The following CIMIP2A variants were observed in gnomAD, a reference collection of about 807,000 sequenced individuals.
The protein encoded by CIMIP2A is ciliary microtubule inner protein 2A.
chr9:137,253,828 AG>A, the CIMIP2A span, among the ~76,000 whole-genome samples: 3 of 152,310 alleles, frequency 2.0e-5, no homozygotes, highest in East Asian at 5.8e-4. Context: ...GCCAGACCTC[AG>A]GAAGGGCCCA....
the CIMIP2A span, chr9:137,252,040 T>C: frequency 6.2e-7 from 1 of 1,612,698 alleles, no homozygotes. Flanking sequence ...GACCTGGAAG[T>C]CCCCAGCCCC....
At chr9:137,252,808 G>GT in the CIMIP2A span, 3 of 1,565,614 alleles carry the variant, frequency 1.9e-6, no homozygotes, top group South Asian at 3.5e-5. Flanking sequence ...TCAGGGTGCA[G>GT]CCCCAGTCCC....
chr9:137,246,717 C>G, the CIMIP2A span, among the ~76,000 whole-genome samples: 6 of 152,022 alleles, frequency 3.9e-5, no homozygotes, highest in Non-Finnish European at 7.4e-5. Flanking sequence ...GAGCCAAGAT[C>G]GCCCCACTGC....
the CIMIP2A span, among the ~76,000 whole-genome samples, chr9:137,247,928 A>G: frequency 6.6e-6 from 1 of 152,194 alleles, no homozygotes; most frequent in Non-Finnish European, 1.5e-5. Context: ...AGTTGCGGTG[A>G]GGCAGGTGGT....
chr9:137,253,278 A>G, the CIMIP2A span: 1 of 1,585,576 alleles, frequency 6.3e-7, no homozygotes, highest in South Asian at 1.1e-5. Flanking sequence ...TGGCCCGGCC[A>G]CCGAGTGGAA....
chr9:137,247,356 C>T, the CIMIP2A span, among the ~76,000 whole-genome samples: 3 of 152,252 alleles, frequency 2.0e-5, no homozygotes, highest in African/African-American at 7.2e-5. Context: ...ACTTACTAGC[C>T]GGCCTCTGCC....
chr9:137,254,640 G>C, the CIMIP2A span, among the ~76,000 whole-genome samples: 1 of 152,256 alleles, frequency 6.6e-6, no homozygotes, highest in African/African-American at 2.4e-5. Flanking sequence ...TGTGTGTAGG[G>C]GGCTTGGCGC....
chr9:137,253,461 T>TG, the CIMIP2A span: 1 of 1,432,630 alleles, frequency 7.0e-7, no homozygotes, highest in Admixed American at 2.9e-5. Flanking sequence ...CCCGCTACAC[T>TG]GAGATGCTGT....
the CIMIP2A span, chr9:137,247,825 C>A: frequency 3.6e-6 from 4 of 1,113,724 alleles, no homozygotes; most frequent in Non-Finnish European, 5.3e-6. Context: ...GCATTGTGGG[C>A]ACCTCCTGGG....
the CIMIP2A span, chr9:137,250,750 G>C: frequency 1.1e-4 from 18 of 160,624 alleles, no homozygotes; most frequent in Admixed American, 4.6e-4. Context: ...TCCAAGGCCC[G>C]GCCTGCCTCT....
the CIMIP2A span, chr9:137,244,169 AC>A: frequency 6.2e-7 from 1 of 1,613,470 alleles, no homozygotes; most frequent in Non-Finnish European, 8.5e-7. Flanking sequence ...CACTCTACTC[AC>A]CGGGGATGAA....
chr9:137,253,499 G>A, the CIMIP2A span: 3 of 1,426,258 alleles, frequency 2.1e-6, no homozygotes, highest in Admixed American at 3.0e-5. Flanking sequence ...GTGGTGTGCA[G>A]TTGTCTGTCC....
chr9:137,244,033 A>G, the CIMIP2A span: 2 of 991,102 alleles, frequency 2.0e-6, no homozygotes, highest in African/African-American at 1.6e-5. Flanking sequence ...ATGGCAGACA[A>G]TCCTACCCCA....
chr9:137,253,162 C>A, the CIMIP2A span: 1 of 1,602,096 alleles, frequency 6.2e-7, no homozygotes, highest in South Asian at 1.1e-5. Flanking sequence ...CTGCAACTCA[C>A]GCTTCCCTTC....
chr9:137,253,544 G>A, the CIMIP2A span: 10 of 1,367,682 alleles, frequency 7.3e-6, no homozygotes, highest in Non-Finnish European at 9.5e-6. Flanking sequence ...TATGGCTGCC[G>A]CTGGGTCATT....
At chr9:137,251,363 G>A in the CIMIP2A span, 1 of 1,613,490 alleles carries the variant, frequency 6.2e-7, no homozygotes, top group Non-Finnish European at 8.5e-7. Context: ...TGGACCCATG[G>A]TCACCTGAGG....
the CIMIP2A span, chr9:137,244,325 C>G: frequency 2.9e-5 from 46 of 1,611,942 alleles, no homozygotes; most frequent in South Asian, 4.9e-4. Context: ...GCTCCCTCCC[C>G]GGCAGGCAAA....
the CIMIP2A span, among the ~76,000 whole-genome samples, chr9:137,248,583 G>A: frequency 6.6e-6 from 1 of 151,580 alleles, no homozygotes; most frequent in Non-Finnish European, 1.5e-5. Context: ...GAAAGGCTGG[G>A]CACTGTGGCT....
chr9:137,253,152 C>G, the CIMIP2A span: 1 of 1,599,450 alleles, frequency 6.3e-7, no homozygotes, highest in Middle Eastern at 1.7e-4. Flanking sequence ...ACGTGGAGGA[C>G]TGCAACTCAC....
Sources: gnomAD v4.1 joint callset for allele counts (sites outside exome capture counted in the v4.1 genomes callset) on GRCh38, gnomAD v4.1.1 for gene constraint, MANE v1.5 for transcripts, NCBI Gene and HGNC (gene_info 2026-07-23, HGNC 2026-07-21) for gene names.